PLCL2: variants seen among roughly 807,000 people sequenced by gnomAD.
PLCL2 encodes inactive phospholipase C-like protein 2.
Under a neutral mutation model 79.6 loss-of-function variants are expected in PLCL2, and 4 were observed. The observed-to-expected ratio is 0.05, with a 90% CI of 0.02 to 0.11. The LOEUF is 0.11. Among genes scored for constraint, PLCL2 ranks in the 10% least tolerant of loss-of-function variants. PLCL2 has a pLI of 1.00. For synonymous variants in PLCL2, 484 were observed against 457.7 expected (o/e 1.06, Z -0.73); for missense variants, 895 against 1,291.0 (o/e 0.69, Z 4.70).
chr3:17,044,347 G>A (rs1475818961), intron 4 of PLCL2, among the ~76,000 whole-genome samples: 1 of 152,178 alleles, frequency 6.6e-6, no homozygotes, highest in Non-Finnish European at 1.5e-5. Context: ...CATCTGCTGA[G>A]ACTTCTTTCT....
intron 1 of PLCL2, among the ~76,000 whole-genome samples, chr3:16,896,657 A>G (rs1696486707): frequency 6.6e-6 from 1 of 152,224 alleles, no homozygotes; most frequent in South Asian, 2.1e-4. Context: ...AAAACCAGTT[A>G]TCCAGATATA....
At chr3:16,899,090 G>A (rs1376356309) in intron 1 of PLCL2, among the ~76,000 whole-genome samples, 2 of 152,266 alleles carry the variant, frequency 1.3e-5, no homozygotes, top group Non-Finnish European at 2.9e-5. Flanking sequence ...ACAGTAAGCT[G>A]CAGAGTGCTG....
intron 1 of PLCL2, among the ~76,000 whole-genome samples, chr3:16,947,652 C>T (rs2063614729): frequency 6.6e-6 from 1 of 152,088 alleles, no homozygotes; most frequent in Admixed American, 6.6e-5. Context: ...AAATTTACCC[C>T]AAGTCAGAAA....
chr3:17,079,984 G>T (rs923696832), intron 5 of PLCL2, among the ~76,000 whole-genome samples: 1 of 152,104 alleles, frequency 6.6e-6, no homozygotes, highest in Non-Finnish European at 1.5e-5. Flanking sequence ...TGCTTAGAGG[G>T]CTCTCCTTTC....
chr3:17,011,629 C>T lies in PLCL2; in HGVS notation c.2283C>T (p.Ile761=). Reference sequence around the variant, plus strand: ...CTCAACTTCTTCACATTAAAATCATCAGTGGGCAGAACTTTCCCAAGCCCA... The same window carrying T: ...CTCAACTTCTTCACATTAAAATCATTAGTGGGCAGAACTTTCCCAAGCCCA... ...VSPQLLHIKI[I]SGQNFPKPKG... The change falls in exon 2 of 6, where the codon ATC becomes ATT. Residue 761 remains isoleucine (I), a synonymous_variant. Transcript: ENST00000615277. This position sits in a 1 kb window ranked among gnomAD's most constrained non-coding sequence, Gnocchi z 7.9. The T allele has an allele frequency of 1.2e-6, 2 of 1,614,092 alleles. No homozygotes were observed. The highest frequency in any genetic ancestry group is 1.7e-6 in the Non-Finnish European group (2 of 1,180,004).
chr3:17,069,737 G>A (rs1373988630), intron 5 of PLCL2, among the ~76,000 whole-genome samples: 8 of 152,138 alleles, frequency 5.3e-5, no homozygotes, highest in Admixed American at 5.2e-4. Flanking sequence ...ATCTTCCAAA[G>A]CTAGTCGCCA....
intron 2 of PLCL2, among the ~76,000 whole-genome samples, chr3:17,012,993 G>A (rs886371589): frequency 6.6e-6 from 1 of 152,198 alleles, no homozygotes; most frequent in Non-Finnish European, 1.5e-5. Context: ...AAATCTGACT[G>A]AGAAAATTCA....
intron 5 of PLCL2, among the ~76,000 whole-genome samples, chr3:17,070,830 T>A (rs1361386531): frequency 6.6e-6 from 1 of 152,044 alleles, no homozygotes; most frequent in Non-Finnish European, 1.5e-5. Flanking sequence ...AGGCTCCCAG[T>A]AGCACAAATG....
At chr3:16,960,160 G>T (rs1393092254) in intron 1 of PLCL2, among the ~76,000 whole-genome samples, 1 of 152,110 alleles carries the variant, frequency 6.6e-6, no homozygotes, top group Non-Finnish European at 1.5e-5. Context: ...CCTTCCTTCA[G>T]CATATCACCA....
chr3:17,021,223 T>A (rs560975969), intron 3 of PLCL2, among the ~76,000 whole-genome samples: 1 of 152,130 alleles, frequency 6.6e-6, no homozygotes, highest in African/African-American at 2.4e-5. Context: ...TACAGAGTGA[T>A]GATTTGAAAC....
At position 16,974,754 on chromosome 3, in the gene PLCL2, A is replaced by G. The variant is rs78340685; in HGVS notation, c.328-34920A>G. Among the ~76,000 whole-genome samples the G allele has an allele frequency of 5.1e-4, 78 of 152,290 alleles. 2 individuals are homozygous for G. The East Asian group carries it at 0.014, about 27-fold the overall frequency. On this transcript the variant is annotated intron_variant, in intron 1 of 5. Transcript: ENST00000615277. ...TGATTATCTTTCTGTGCCATCTGTC[A>G]TTTACCAAGTGAAGTCTAAGTCCAA...
chr3:17,035,555 G>C (rs977887675), intron 3 of PLCL2, among the ~76,000 whole-genome samples: 29 of 152,124 alleles, frequency 1.9e-4, no homozygotes, highest in Middle Eastern at 3.4e-3. Context: ...TATAGCAGTG[G>C]CCCCCACCTG....
At chr3:16,990,091 A>G (rs1033271446) in intron 1 of PLCL2, among the ~76,000 whole-genome samples, 4 of 151,546 alleles carry the variant, frequency 2.6e-5, no homozygotes, top group African/African-American at 9.7e-5. Flanking sequence ...AATGCATTAT[A>G]TAGGAGAGAA....
intron 4 of PLCL2, among the ~76,000 whole-genome samples, chr3:17,052,075 G>A (rs1320746469): frequency 6.6e-6 from 1 of 152,016 alleles, no homozygotes; most frequent in Non-Finnish European, 1.5e-5. Flanking sequence ...ATGTTTAGAA[G>A]GATTCAAAAT....
intron 1 of PLCL2, among the ~76,000 whole-genome samples, chr3:16,926,111 T>A (rs910250824): frequency 1.1e-4 from 16 of 152,364 alleles, no homozygotes; most frequent in East Asian, 1.9e-4. Context: ...AATTATTATT[T>A]TTTTTGATCA....
At chr3:16,945,253 CACACACACAT>C (rs2063589813) in intron 1 of PLCL2, among the ~76,000 whole-genome samples, 1 of 152,042 alleles carries the variant, frequency 6.6e-6, no homozygotes, top group South Asian at 2.1e-4. Context: ...CACACACACA[CACACACACAT>C]ACACACACAT....
At chr3:17,026,804 T>A (rs944383804) in intron 3 of PLCL2, among the ~76,000 whole-genome samples, 1 of 151,960 alleles carries the variant, frequency 6.6e-6, no homozygotes, top group Non-Finnish European at 1.5e-5. Context: ...GAGGCAGAGG[T>A]TGCAGTGAGC....
At chr3:17,035,805 T>C (rs2064644214) in intron 3 of PLCL2, 1 of 511,986 alleles carries the variant, frequency 2.0e-6, no homozygotes, top group Non-Finnish European at 3.9e-6. Context: ...AGCTTAACAA[T>C]ATTTTACATG....
chr3:16,906,371 A>G (rs1405923889), intron 1 of PLCL2, among the ~76,000 whole-genome samples: 1 of 152,176 alleles, frequency 6.6e-6, no homozygotes, highest in South Asian at 2.1e-4. Flanking sequence ...ATTTTTGAAT[A>G]AAGTTGAGAG....
Sources: gnomAD v4.1 joint callset for allele counts (sites outside exome capture counted in the v4.1 genomes callset) on GRCh38, gnomAD v4.1.1 for gene constraint, Gnocchi (gnomAD v3.1) non-coding constraint, MANE v1.5 for transcripts, NCBI Gene and HGNC (gene_info 2026-07-23, HGNC 2026-07-21) for gene names.